Variants in TLE4 observed in about 807,000 individuals in gnomAD.
The protein encoded by TLE4 is TLE family member 4, transcriptional corepressor, also known as transducin-like enhancer protein 4.
TLE4 carries 8 observed loss-of-function variants against 92.8 expected under a neutral mutation model. The ratio of observed to expected loss-of-function variants is 0.09; its 90% confidence interval spans 0.05 to 0.16. The LOEUF (loss-of-function observed/expected upper bound fraction) is 0.16, where lower values mean the gene tolerates loss of function less well. Among genes scored for constraint, TLE4 ranks in the 10% least tolerant of loss-of-function variants. The probability of loss-of-function intolerance (pLI) is 1.00; values close to 1 mark genes in which losing one functional copy is unlikely to be tolerated. For missense variants in TLE4, 675 were observed against 997.6 expected (o/e 0.68, Z 4.36); for synonymous variants, 371 against 374.1 (o/e 0.99, Z 0.10).
At chr9:79,714,551 G>A (rs773945408) in intron 14 of TLE4, among the ~76,000 whole-genome samples, 24 of 151,976 alleles carry the variant, frequency 1.6e-4, no homozygotes, top group Non-Finnish European at 2.9e-4. Flanking sequence ...TTACTCGATG[G>A]TATCTTTTCA....
chr9:79,710,562 T>G (rs1289007769), intron 14 of TLE4, among the ~76,000 whole-genome samples: 2 of 152,178 alleles, frequency 1.3e-5, no homozygotes, highest in Non-Finnish European at 2.9e-5. Context: ...TGACCCTCAG[T>G]AGCAGCTCAA....
chr9:79,686,221 C>G (rs113926067), intron 8 of TLE4, among the ~76,000 whole-genome samples: 564 of 152,192 alleles, frequency 3.7e-3, no homozygotes, highest in Non-Finnish European at 6.2e-3. Context: ...GTCCTGGAAC[C>G]AAACGCCCAT....
At chr9:79,719,120 T>C in intron 15 of TLE4, 149 bp downstream of exon 15, 1 of 1,232,306 alleles carries the variant, frequency 8.1e-7, no homozygotes. Flanking sequence ...CACTTGGAGG[T>C]GTGTCTTTTG....
chr9:79,707,294 T>A (rs2071897990), intron 11 of TLE4: 1 of 1,186,508 alleles, frequency 8.4e-7, no homozygotes, highest in South Asian at 1.3e-5. Flanking sequence ...ATGACGGCAA[T>A]AATTTTCCCT....
chr9:79,690,779 C>CTTTTTTTTTTT (rs35528090), intron 8 of TLE4, among the ~76,000 whole-genome samples: 9 of 54,164 alleles, frequency 1.7e-4, no homozygotes, highest in African/African-American at 4.1e-4. Context: ...CCACTCCTGG[C>CTTTTTTTTTTT]TTTTTTTTTT....
intron 8 of TLE4, 114 bp downstream of exon 8, chr9:79,654,189 G>T: frequency 3.9e-6 from 4 of 1,037,124 alleles, no homozygotes; most frequent in Admixed American, 2.5e-5. Context: ...GGTTAGTAGT[G>T]GTTAACTGCA....
intron 6 of TLE4, 77 bp from the exon 7 acceptor site, chr9:79,652,516 C>T: frequency 1.3e-6 from 2 of 1,535,360 alleles, no homozygotes. Flanking sequence ...CCGATTTATG[C>T]CTCCTTTCTG....
intron 5 of TLE4, among the ~76,000 whole-genome samples, chr9:79,624,558 G>A (rs2051981385): frequency 6.6e-6 from 1 of 152,226 alleles, no homozygotes; most frequent in Non-Finnish European, 1.5e-5. Flanking sequence ...TCAAAAAGAA[G>A]AAGCTGAATC....
intron 4 of TLE4, among the ~76,000 whole-genome samples, chr9:79,601,231 A>T (rs140421485): frequency 7.7e-4 from 118 of 152,338 alleles, no homozygotes; most frequent in African/African-American, 2.7e-3. Context: ...ATGATAATTT[A>T]TTATTCTTTT....
intron 8 of TLE4, among the ~76,000 whole-genome samples, chr9:79,655,368 T>C (rs977592904): frequency 5.3e-5 from 8 of 152,196 alleles, no homozygotes; most frequent in Non-Finnish European, 7.3e-5. Context: ...TGTATATGAA[T>C]GCTAAAATTT....
At chr9:79,585,191 A>C (rs1262108031) in intron 4 of TLE4, among the ~76,000 whole-genome samples, 1 of 152,208 alleles carries the variant, frequency 6.6e-6, no homozygotes, top group East Asian at 1.9e-4. Flanking sequence ...AAGCAATTTT[A>C]GATTGCTTAT....
intron 8 of TLE4, among the ~76,000 whole-genome samples, chr9:79,684,548 G>A (rs893302346): frequency 6.6e-6 from 1 of 152,164 alleles, no homozygotes; most frequent in Admixed American, 6.6e-5. Context: ...ACTATTGCCT[G>A]ATGATCTGAA....
intron 5 of TLE4, among the ~76,000 whole-genome samples, chr9:79,613,367 A>G (rs1009701824): frequency 1.3e-5 from 2 of 152,084 alleles, no homozygotes; most frequent in African/African-American, 2.4e-5. Context: ...GGGGAAGTGC[A>G]TGCCATCAGC....
At chr9:79,648,667 G>T (rs575080764) in intron 6 of TLE4, among the ~76,000 whole-genome samples, 32 of 152,184 alleles carry the variant, frequency 2.1e-4, no homozygotes, top group African/African-American at 6.3e-4. Context: ...GGTGAGTATC[G>T]TGACAAGTAG....
At chr9:79,574,495 C>T (rs1336721959) in intron 2 of TLE4, among the ~76,000 whole-genome samples, 2 of 152,094 alleles carry the variant, frequency 1.3e-5, no homozygotes, top group Admixed American at 1.3e-4. Context: ...TAAAGAAATT[C>T]CCTTGTGACG....
intron 8 of TLE4, among the ~76,000 whole-genome samples, chr9:79,668,556 C>T (rs961030834): frequency 2.0e-5 from 3 of 152,166 alleles, no homozygotes; most frequent in African/African-American, 4.8e-5. Context: ...CAAAAAGCCA[C>T]GCTCTTTACC....
chr9:79,582,919 A>G (rs537645290), intron 4 of TLE4, among the ~76,000 whole-genome samples: 1 of 152,288 alleles, frequency 6.6e-6, no homozygotes, highest in South Asian at 2.1e-4. Context: ...GCAATGGAGT[A>G]TTTACACTGA....
chr9:79,669,751 A>G (rs1421730116), intron 8 of TLE4, among the ~76,000 whole-genome samples: 1 of 152,158 alleles, frequency 6.6e-6, no homozygotes, highest in Non-Finnish European at 1.5e-5. Flanking sequence ...CAAATCTAGG[A>G]AAGAATAGGA....
At chr9:79,643,817 C>T (rs927114951) in intron 6 of TLE4, among the ~76,000 whole-genome samples, 1 of 152,150 alleles carries the variant, frequency 6.6e-6, no homozygotes, top group Admixed American at 6.5e-5. Flanking sequence ...GTCTGTCTTG[C>T]ATTAGTTAAT....
Sources: allele counts gnomAD v4.1 joint callset (sites outside exome capture counted in the v4.1 genomes callset), GRCh38; gene constraint gnomAD v4.1.1; transcripts MANE v1.5; gene names NCBI Gene and HGNC (gene_info 2026-07-23, HGNC 2026-07-21).